Variants in ITGA8 observed in about 807,000 individuals in gnomAD.
ITGA8 encodes integrin subunit alpha 8.
A neutral mutation model predicts 142.3 loss-of-function variants in ITGA8; 91 were observed. That is an observed-to-expected ratio of 0.64 (90% CI 0.54 to 0.76). The LOEUF (loss-of-function observed/expected upper bound fraction) is 0.76. Among genes scored for constraint, ITGA8 ranks in the 30% least tolerant of loss-of-function variants. The pLI is 0.00. For missense variants in ITGA8, 1,406 were observed against 1,327.7 expected (o/e 1.06, Z -0.92); for synonymous variants, 505 against 485.2 (o/e 1.04, Z -0.54).
chr10:15,534,394 C>G (rs1833376355), intron 27 of ITGA8, among the ~76,000 whole-genome samples: 2 of 152,146 alleles, frequency 1.3e-5, no homozygotes, highest in South Asian at 4.1e-4. Flanking sequence ...CTATATGATA[C>G]AAAGATGCAA....
At chr10:15,584,419 G>C (rs971536809) in intron 23 of ITGA8, among the ~76,000 whole-genome samples, 1 of 152,126 alleles carries the variant, frequency 6.6e-6, no homozygotes, top group African/African-American at 2.4e-5. Context: ...AGGAATCAGG[G>C]GACCGCAAGT....
intron 13 of ITGA8, among the ~76,000 whole-genome samples, chr10:15,623,361 GT>G (rs1833527723): frequency 6.6e-6 from 1 of 152,014 alleles, no homozygotes; most frequent in African/African-American, 2.4e-5. Context: ...ACTACATGCT[GT>G]TTTTATTCTC....
chr10:15,614,030 C>T (rs1564375116), intron 14 of ITGA8, among the ~76,000 whole-genome samples: 1 of 152,190 alleles, frequency 6.6e-6, no homozygotes, highest in African/African-American at 2.4e-5. Flanking sequence ...GTTGCGTACA[C>T]AACCTAATTT....
At chr10:15,578,290 G>A (rs1834336490) in intron 23 of ITGA8, among the ~76,000 whole-genome samples, 1 of 151,986 alleles carries the variant, frequency 6.6e-6, no homozygotes, top group Non-Finnish European at 1.5e-5. Flanking sequence ...AATCTTTTGG[G>A]ATTGGCTTTT....
intron 8 of ITGA8, among the ~76,000 whole-genome samples, 192 bp downstream of exon 8, chr10:15,671,411 A>T (rs564251302): frequency 6.6e-6 from 1 of 152,170 alleles, no homozygotes; most frequent in South Asian, 2.1e-4. Context: ...GTTGATATTC[A>T]TTCTTACAAA....
intron 10 of ITGA8, among the ~76,000 whole-genome samples, chr10:15,657,597 C>A (rs1270122076): frequency 7.0e-6 from 1 of 142,230 alleles, no homozygotes; most frequent in African/African-American, 2.6e-5. Context: ...AAGTGATCCT[C>A]CTGCCTTGGC....
chr10:15,626,748 C>G (rs1302825995), intron 13 of ITGA8, among the ~76,000 whole-genome samples: 1 of 152,134 alleles, frequency 6.6e-6, no homozygotes, highest in Non-Finnish European at 1.5e-5. Context: ...AGCTAAGACA[C>G]AGACATATGC....
chr10:15,673,292 C>G (rs1381891654), intron 6 of ITGA8, among the ~76,000 whole-genome samples: 1 of 152,142 alleles, frequency 6.6e-6, no homozygotes, highest in African/African-American at 2.4e-5. Context: ...ACTATGTTGG[C>G]AAGGGCGGTC....
intron 25 of ITGA8, among the ~76,000 whole-genome samples, chr10:15,560,947 C>T (rs572180757): frequency 3.3e-5 from 5 of 152,034 alleles, no homozygotes; most frequent in Admixed American, 6.6e-5. Context: ...CTCACTCTGT[C>T]GGTCAGGCTG....
At chr10:15,634,911 A>AT (rs1002745496) in intron 13 of ITGA8, among the ~76,000 whole-genome samples, 3 of 150,898 alleles carry the variant, frequency 2.0e-5, no homozygotes, top group African/African-American at 4.9e-5. Flanking sequence ...AGGGTCTACT[A>AT]TTTTTTTGCA....
At chr10:15,561,226 T>C (rs896743825) in intron 25 of ITGA8, among the ~76,000 whole-genome samples, 1,277 of 106,558 alleles carry the variant, frequency 0.012, 16 homozygotes, top group African/African-American at 0.046. Flanking sequence ...TATATATATA[T>C]ATATATATGT....
chr10:15,532,149 G>A (rs1218316733), intron 27 of ITGA8, among the ~76,000 whole-genome samples: 3 of 151,952 alleles, frequency 2.0e-5, no homozygotes, highest in East Asian at 1.9e-4. Flanking sequence ...CAAAGATGCC[G>A]GCCGGGCGTG....
intron 13 of ITGA8, among the ~76,000 whole-genome samples, chr10:15,621,511 G>A (rs1211184168): frequency 3.3e-5 from 5 of 152,130 alleles, no homozygotes; most frequent in Non-Finnish European, 1.5e-5. Context: ...TGCTTGGTTT[G>A]CAGAGTCTGA....
intron 27 of ITGA8, among the ~76,000 whole-genome samples, chr10:15,545,777 T>G (rs531994837): frequency 1.3e-5 from 2 of 152,204 alleles, no homozygotes; most frequent in Non-Finnish European, 2.9e-5. Context: ...TGTGTCTAAT[T>G]CATTCCTTTT....
At chr10:15,631,994 T>C (rs1833693859) in intron 13 of ITGA8, among the ~76,000 whole-genome samples, 1 of 152,056 alleles carries the variant, frequency 6.6e-6, no homozygotes, top group African/African-American at 2.4e-5. Context: ...TAGTTAGATC[T>C]CTTGTATCTG....
At position 15,665,679 on chromosome 10, in the gene ITGA8, G is replaced by A. The variant is rs186458926; in HGVS notation, c.848-4757C>T. Among the ~76,000 whole-genome samples the A allele has an allele frequency of 2.0e-5, 3 of 152,266 alleles. No homozygotes were observed. The East Asian group carries it at 5.8e-4, about 29-fold the overall frequency. On this transcript the variant is annotated intron_variant, in intron 8 of 29. Transcript: ENST00000378076. ...AACATTTAAGTCTTTAATCCATCTT[G>A]AATTAATTTTTGTATAAGGTATAAG...
In ITGA8 at chr10:15,632,624, A is replaced by G. The variant is rs866839555; in HGVS notation, c.1399+11406T>C. On this transcript the variant is annotated intron_variant, in intron 13 of 29. Transcript: ENST00000378076. ...ATTTCAGGTTCATTCAGTGATACAG[A>G]TAGCAATTGTAGCACTCTTATCACA... Among the ~76,000 whole-genome samples the G allele has an allele frequency of 3.9e-5, 6 of 152,324 alleles. No individual in the cohort carries two copies. The East Asian group carries it at 9.6e-4, about 24-fold the overall frequency.
In ITGA8 at chr10:15,594,568, A is replaced by G. The variant is rs539935946; in HGVS notation, c.2212-2264T>C. ...GGGAGGCCGAGGTGGGTGGATCACA[A>G]GGTCAGGAGTTCAAGACCGGCCTGG... On this transcript the variant is annotated intron_variant, in intron 21 of 29. Coordinates refer to ENST00000378076, the MANE Select transcript of ITGA8 (RefSeq NM_003638.3). Among the ~76,000 whole-genome samples, 55 of 152,176 alleles carry G rather than the reference A, an allele frequency of 3.6e-4. 1 individual carries two copies. In the Middle Eastern group the frequency reaches 0.014, roughly 38 times the overall value.
intron 27 of ITGA8, among the ~76,000 whole-genome samples, chr10:15,543,494 G>C (rs982339099): frequency 1.1e-4 from 16 of 152,252 alleles, no homozygotes; most frequent in South Asian, 1.0e-3. Flanking sequence ...CAACTGTTCT[G>C]GTTCAAAATG....
Sources: allele counts gnomAD v4.1 joint callset (sites outside exome capture counted in the v4.1 genomes callset), GRCh38; gene constraint gnomAD v4.1.1; transcripts MANE v1.5; gene names NCBI Gene and HGNC (gene_info 2026-07-23, HGNC 2026-07-21).